Variants in SGIP1 observed in about 807,000 individuals in gnomAD.
SGIP1 encodes SH3GL interacting endocytic adaptor 1.
Under a neutral mutation model 107.5 loss-of-function variants are expected in SGIP1, and 38 were observed. The ratio of observed to expected loss-of-function variants is 0.35; its 90% confidence interval spans 0.27 to 0.46. SGIP1 has a LOEUF of 0.46. Ranked by LOEUF, SGIP1 falls within the 20% of genes least tolerant of loss-of-function variation. The probability of loss-of-function intolerance (pLI) is 1.00; values close to 1 mark genes in which losing one functional copy is unlikely to be tolerated. For synonymous variants in SGIP1, 365 were observed against 366.1 expected (o/e 1.00, Z 0.03); for missense variants, 929 against 1,019.5 (o/e 0.91, Z 1.21).
chr1:66,693,072 C>T (rs1041337513), intron 17 of SGIP1, among the ~76,000 whole-genome samples: 1 of 151,984 alleles, frequency 6.6e-6, no homozygotes, highest in South Asian at 2.1e-4. Context: ...TTTTTTATTA[C>T]ATTAATTATT....
intron 18 of SGIP1, among the ~76,000 whole-genome samples, chr1:66,700,964 T>G (rs998249740): frequency 2.0e-5 from 3 of 152,148 alleles, no homozygotes; most frequent in Admixed American, 2.0e-4. Context: ...ATTTACATAA[T>G]AGGAGCTACA....
chr1:66,727,415 A>T (rs1349715834), intron 19 of SGIP1, among the ~76,000 whole-genome samples: 1 of 152,208 alleles, frequency 6.6e-6, no homozygotes, highest in Non-Finnish European at 1.5e-5. Flanking sequence ...TGTTGGTGAG[A>T]ATGTGGAAGA....
At chr1:66,656,567 A>G (rs1347865493) in intron 7 of SGIP1, among the ~76,000 whole-genome samples, 2 of 152,190 alleles carry the variant, frequency 1.3e-5, no homozygotes, top group African/African-American at 2.4e-5. Context: ...TCATAATCTT[A>G]TGGGACCACC....
At chr1:66,544,620 C>T (rs563629437) in intron 1 of SGIP1, among the ~76,000 whole-genome samples, 3 of 152,204 alleles carry the variant, frequency 2.0e-5, no homozygotes, top group South Asian at 2.1e-4. Flanking sequence ...ACCTTGGAAG[C>T]GGAGGCTGCA....
intron 1 of SGIP1, among the ~76,000 whole-genome samples, chr1:66,587,563 C>T (rs573500304): frequency 6.6e-6 from 1 of 152,002 alleles, no homozygotes; most frequent in African/African-American, 2.4e-5. Flanking sequence ...CCTCTTGTTA[C>T]GTTGAAAACC....
In SGIP1 at chr1:66,736,654, A is replaced by G. The variant is rs533608850; in HGVS notation, c.2032-2681A>G. Among the ~76,000 whole-genome samples, 8 of 149,930 alleles carry G rather than the reference A, an allele frequency of 5.3e-5. 3 individuals are homozygous for G. The highest frequency in any genetic ancestry group is 2.1e-4 in the South Asian group (1 of 4,798). On this transcript the variant is annotated intron_variant, in intron 21 of 24. Transcript: ENST00000371037. ...ATATAATATATTGCGTATTATATGT[A>G]AATATAGGTAGAGATCATTATTAAA... is the stretch of plus-strand genomic sequence containing the variant.
intron 2 of SGIP1, 85 bp from the exon 3 acceptor site, chr1:66,632,985 G>A: frequency 1.2e-6 from 1 of 864,224 alleles, no homozygotes; most frequent in Non-Finnish European, 2.0e-6. Context: ...GAGGATGGTG[G>A]TTATTGGTTC....
At chr1:66,551,111 A>G (rs1054301695) in intron 1 of SGIP1, among the ~76,000 whole-genome samples, 5 of 152,192 alleles carry the variant, frequency 3.3e-5, no homozygotes, top group Non-Finnish European at 7.4e-5. Flanking sequence ...TATCAATGGT[A>G]CATCAGCAAA....
intron 2 of SGIP1, among the ~76,000 whole-genome samples, chr1:66,626,437 A>G (rs2072796934): frequency 6.6e-6 from 1 of 152,210 alleles, no homozygotes; most frequent in Non-Finnish European, 1.5e-5. Flanking sequence ...GCAGTGAATA[A>G]GAAACAAATG....
chr1:66,750,046 T>G lies in SGIP1; in HGVS notation c.*6951T>G, dbSNP rs61797264. Reference sequence around the variant, plus strand: ...CTGTGTGTGTGTGGGGGTGTGTGTGTGTGTGTGTGTGTGTGTGTGTGTCTC... The same window carrying G: ...CTGTGTGTGTGTGGGGGTGTGTGTGGGTGTGTGTGTGTGTGTGTGTGTCTC... On this transcript the variant is annotated 3_prime_UTR_variant, in exon 25 of 25. Transcript: ENST00000371037. Among the ~76,000 whole-genome samples, 46 of 149,254 alleles carry G rather than the reference T, an allele frequency of 3.1e-4. No homozygotes were observed. The highest frequency in any genetic ancestry group is 5.8e-4 in the Non-Finnish European group (39 of 67,360).
intron 10 of SGIP1, 25 bp downstream of exon 10, chr1:66,671,044 A>G (rs770322847): frequency 1.6e-6 from 2 of 1,235,406 alleles, no homozygotes; most frequent in South Asian, 1.5e-5. Flanking sequence ...GCTACCAGAA[A>G]TAGTGTATGA....
chr1:66,676,266 A>C (rs6588215), intron 12 of SGIP1, among the ~76,000 whole-genome samples: 1 of 152,050 alleles, frequency 6.6e-6, no homozygotes, highest in South Asian at 2.1e-4. Flanking sequence ...TGTCCTAGAC[A>C]ACATAATGAA....
chr1:66,710,970 C>T (rs1352502946), intron 18 of SGIP1, among the ~76,000 whole-genome samples: 2 of 152,088 alleles, frequency 1.3e-5, no homozygotes, highest in Non-Finnish European at 2.9e-5. Flanking sequence ...TGAATCAAAG[C>T]CAAACCTAAA....
At chr1:66,613,761 T>A (rs542670991) in intron 1 of SGIP1, among the ~76,000 whole-genome samples, 1 of 152,330 alleles carries the variant, frequency 6.6e-6, no homozygotes, top group South Asian at 2.1e-4. Flanking sequence ...AGTAGATGAC[T>A]AAAGTGGGTA....
At chr1:66,538,770 G>A (rs1020439682) in intron 1 of SGIP1, among the ~76,000 whole-genome samples, 3 of 152,148 alleles carry the variant, frequency 2.0e-5, no homozygotes, top group Non-Finnish European at 4.4e-5. Context: ...CATAAAATGT[G>A]TAAAGAACAG....
chr1:66,660,902 C>T (rs6670378), intron 8 of SGIP1, among the ~76,000 whole-genome samples: 98,538 of 152,080 alleles, frequency 0.65, 32,851 homozygotes, highest in East Asian at 1. Flanking sequence ...TTTTGATTAG[C>T]GTACAACATA....
intron 1 of SGIP1, among the ~76,000 whole-genome samples, chr1:66,562,509 GAGAAAAGAC>G (rs944692847): frequency 6.6e-6 from 1 of 152,042 alleles, no homozygotes; most frequent in Non-Finnish European, 1.5e-5. Context: ...GCACGAAGCT[GAGAAAAGAC>G]AAAGAGGACT....
intron 24 of SGIP1, among the ~76,000 whole-genome samples, chr1:66,742,478 TTTTTTTTTTG>T (rs2094483152): frequency 1.1e-5 from 1 of 90,858 alleles, no homozygotes. Flanking sequence ...TTTTTTTTTT[TTTTTTTTTTG>T]AGACGGAGTC....
rs189581921 is a variant in SGIP1, at chr1:66,738,127, C to T, written c.2032-1208C>T. ...ATGTTTGCCTGCAGAAAGCATTATG[C>T]TGCCAATAATATTTAAAGTTTAAAA... On this transcript the variant is annotated intron_variant, in intron 21 of 24. Coordinates refer to ENST00000371037, the MANE Select transcript of SGIP1 (RefSeq NM_032291.4). Among the ~76,000 whole-genome samples the T allele has an allele frequency of 5.9e-5, 9 of 152,252 alleles. No homozygotes were observed. In the East Asian group the frequency reaches 1.7e-3, roughly 29 times the overall value.
Sources: allele counts gnomAD v4.1 joint callset (sites outside exome capture counted in the v4.1 genomes callset), GRCh38; gene constraint gnomAD v4.1.1; transcripts MANE v1.5; gene names NCBI Gene and HGNC (gene_info 2026-07-23, HGNC 2026-07-21).